Variants in LARP4 observed in about 807,000 individuals in gnomAD.
LARP4 encodes la-related protein 4.
A neutral mutation model predicts 92.9 loss-of-function variants in LARP4; 29 were observed. The observed-to-expected ratio is 0.31, with a 90% confidence interval of 0.23 to 0.43. The LOEUF (loss-of-function observed/expected upper bound fraction) is 0.43, where lower values mean the gene tolerates loss of function less well. Among genes scored for constraint, LARP4 ranks in the 20% least tolerant of loss-of-function variants. LARP4 has a pLI of 1.00. For synonymous variants in LARP4, 279 were observed against 284.1 expected (o/e 0.98, Z 0.18); for missense variants, 732 against 860.0 (o/e 0.85, Z 1.86).
At chr12:50,402,662 A>T (rs540861891) in intron 1 of LARP4, 2 of 387,026 alleles carry the variant, frequency 5.2e-6, no homozygotes, top group Non-Finnish European at 1.0e-5. Context: ...GCGATACTTA[A>T]TATGTTTTAC....
intron 15 of LARP4, 81 bp from the exon 16 acceptor site, chr12:50,475,445 T>C (rs2139236626): frequency 8.2e-7 from 1 of 1,226,930 alleles, no homozygotes; most frequent in East Asian, 2.3e-5. Flanking sequence ...GTGGTTTTCT[T>C]ATGGTTAACA....
intron 13 of LARP4, 35 bp from the exon 14 acceptor site, chr12:50,473,380 C>T: frequency 6.4e-7 from 1 of 1,556,222 alleles, no homozygotes; most frequent in East Asian, 2.3e-5. Flanking sequence ...GGAAAAAGGT[C>T]TAAGTGTAAT....
rs529257471 is a variant in LARP4 at position 50,451,371 on chromosome 12, C to T, written c.805-2089C>T. On this transcript the variant is annotated intron_variant, in intron 8 of 15. Transcript: ENST00000398473. ...TAGCATAATGTCTTCTAGGTTCATT[C>T]AGGTTGTCACAAATGACAGGATTTC... Among the ~76,000 whole-genome samples, 9 of 152,248 alleles carry T rather than the reference C, an allele frequency of 5.9e-5. No homozygotes were observed. In the South Asian group the frequency reaches 1.9e-3, roughly 32 times the overall value.
intron 8 of LARP4, among the ~76,000 whole-genome samples, chr12:50,452,527 T>C (rs1953403309): frequency 6.6e-6 from 1 of 152,204 alleles, no homozygotes; most frequent in Non-Finnish European, 1.5e-5. Flanking sequence ...CCATACTGGC[T>C]ATACTAATTT....
intron 1 of LARP4, among the ~76,000 whole-genome samples, chr12:50,414,259 T>C (rs939111488): frequency 6.6e-6 from 1 of 152,194 alleles, no homozygotes; most frequent in African/African-American, 2.4e-5. Context: ...TTCTCTTGTT[T>C]AACAGTATTG....
intron 1 of LARP4, among the ~76,000 whole-genome samples, chr12:50,416,966 A>G (rs1946904019): frequency 6.6e-6 from 1 of 152,112 alleles, no homozygotes; most frequent in South Asian, 2.1e-4. Flanking sequence ...TCCTGTTTCA[A>G]AAATAAAACA....
At chr12:50,423,854 C>T (rs899226310) in intron 1 of LARP4, among the ~76,000 whole-genome samples, 2 of 151,574 alleles carry the variant, frequency 1.3e-5, no homozygotes, top group South Asian at 2.1e-4. Flanking sequence ...TGGGTTCAAG[C>T]GATTCTCCTG....
chr12:50,456,408 CT>C (rs1954253379), intron 10 of LARP4, among the ~76,000 whole-genome samples: 1 of 151,982 alleles, frequency 6.6e-6, no homozygotes, highest in Non-Finnish European at 1.5e-5. Flanking sequence ...AAATAAAGAC[CT>C]TCTGGACCAG....
intron 4 of LARP4, among the ~76,000 whole-genome samples, chr12:50,434,836 A>G (rs183883086): frequency 3.3e-5 from 5 of 151,984 alleles, no homozygotes; most frequent in South Asian, 2.1e-4. Context: ...CGAGGTCAGG[A>G]GATCGAGACC....
intron 1 of LARP4, among the ~76,000 whole-genome samples, chr12:50,408,643 C>A (rs1945291540): frequency 6.6e-6 from 1 of 151,966 alleles, no homozygotes; most frequent in African/African-American, 2.4e-5. Flanking sequence ...GCTATTTTGC[C>A]CTGGAAGGTC....
At chr12:50,453,160 CCCCCTTGACCTCTGAA>C (rs1953573503) in intron 8 of LARP4, among the ~76,000 whole-genome samples, 1 of 151,514 alleles carries the variant, frequency 6.6e-6, no homozygotes, top group Admixed American at 6.6e-5. Flanking sequence ...TGCGATCCTA[CCCCCTTGACCTCTGAA>C]AGTGCTCAGG....
chr12:50,417,999 T>C (rs1947129500), intron 1 of LARP4, among the ~76,000 whole-genome samples: 1 of 152,222 alleles, frequency 6.6e-6, no homozygotes, highest in Non-Finnish European at 1.5e-5. Flanking sequence ...TACCTGGGAT[T>C]ACAGGCACCC....
chr12:50,474,149 T>G lies in LARP4; in HGVS notation c.1818T>G (p.Ala606=), dbSNP rs1957278470. The change falls in exon 15 of 16, where the codon GCT becomes GCG. Residue 606 remains alanine, a synonymous_variant. Transcript: ENST00000398473. ...ASPCNNNINA[A]TAVALQEPRK... is the part of the protein sequence containing the mutation. ...CATGTAATAATAACATAAATGCAGC[T>G]ACAGCTGTGGCTCTACAGGTAACTT... 3 of 1,612,124 alleles carry G rather than the reference T, an allele frequency of 1.9e-6. No individual in the cohort carries two copies. The highest frequency in any genetic ancestry group is 2.5e-6 in the Non-Finnish European group (3 of 1,179,368).
intron 6 of LARP4, 112 bp downstream of exon 6, chr12:50,437,950 TAA>T: frequency 1.6e-6 from 1 of 612,390 alleles, no homozygotes; most frequent in Non-Finnish European, 2.9e-6. Context: ...AAGCAAAGCA[TAA>T]GTCAGTGCCT....
chr12:50,473,863 G>A (rs1334173752), intron 14 of LARP4, 136 bp from the exon 15 acceptor site: 6 of 604,296 alleles, frequency 9.9e-6, no homozygotes, highest in Non-Finnish European at 1.7e-5. Context: ...TGAGCCAAGA[G>A]CATGCCACTA....
At chr12:50,473,254 A>G (rs1256141823) in intron 13 of LARP4, among the ~76,000 whole-genome samples, 161 bp from the exon 14 acceptor site, 3 of 152,174 alleles carry the variant, frequency 2.0e-5, no homozygotes, top group Non-Finnish European at 4.4e-5. Flanking sequence ...TTTTTTAATT[A>G]TAACCATCCT....
intron 8 of LARP4, among the ~76,000 whole-genome samples, chr12:50,442,100 A>G (rs1054025146): frequency 6.6e-6 from 1 of 152,186 alleles, no homozygotes; most frequent in Non-Finnish European, 1.5e-5. Flanking sequence ...TACTTCAGAA[A>G]ATCCTTTGAT....
chr12:50,438,499 A>AG (rs2137524794), intron 6 of LARP4, among the ~76,000 whole-genome samples: 1 of 151,618 alleles, frequency 6.6e-6, no homozygotes, highest in South Asian at 2.1e-4. Context: ...TCTCAAAAAA[A>AG]AAAAAGGGAT....
chr12:50,472,077 C>T (rs939771666), intron 13 of LARP4, among the ~76,000 whole-genome samples: 7 of 152,052 alleles, frequency 4.6e-5, no homozygotes, highest in African/African-American at 1.7e-4. Flanking sequence ...ATATTTTCTA[C>T]CAAGTTTTTC....
Sources: allele counts gnomAD v4.1 joint callset (sites outside exome capture counted in the v4.1 genomes callset), GRCh38; gene constraint gnomAD v4.1.1; transcripts MANE v1.5; gene names NCBI Gene and HGNC (gene_info 2026-07-23, HGNC 2026-07-21).